The following AFF3 variants were observed in gnomAD, a reference collection of about 807,000 sequenced individuals.
AFF3 encodes ALF transcription elongation factor 3.
A neutral mutation model predicts 129.7 loss-of-function variants in AFF3; 32 were observed. The ratio of observed to expected loss-of-function variants is 0.25; its 90% CI spans 0.19 to 0.33. The LOEUF (loss-of-function observed/expected upper bound fraction) is 0.33. AFF3 is among the 10% of genes least tolerant of loss of function. AFF3 has a pLI of 1.00. For synonymous variants in AFF3, 644 were observed against 635.4 expected (o/e 1.01, Z -0.20); for missense variants, 1,373 against 1,592.0 (o/e 0.86, Z 2.34).
At chr2:99,555,432 T>G (rs558132140) in intron 22 of AFF3, among the ~76,000 whole-genome samples, 1 of 152,286 alleles carries the variant, frequency 6.6e-6, no homozygotes, top group South Asian at 2.1e-4. Flanking sequence ...TGCTGTTGCA[T>G]ATTCCTAATA....
At chr2:99,564,780 A>G (rs765350562) in intron 20 of AFF3, among the ~76,000 whole-genome samples, 5 of 152,236 alleles carry the variant, frequency 3.3e-5, no homozygotes, top group Admixed American at 1.3e-4. Context: ...AGTTAGTTTT[A>G]GGAAGAATTA....
intron 7 of AFF3, among the ~76,000 whole-genome samples, chr2:99,984,679 G>A (rs1465120938): frequency 6.6e-6 from 1 of 151,928 alleles, no homozygotes; most frequent in African/African-American, 2.4e-5. Context: ...GTCCAAGTCT[G>A]CCCACCCCAC....
At position 99,554,389 on chromosome 2, in the gene AFF3, G is replaced by A; in HGVS notation, c.3481C>T (p.His1161Tyr). 2 of 1,614,210 alleles carry A rather than the reference G, an allele frequency of 1.2e-6. No homozygotes were observed. Among genetic ancestry groups the A allele is most frequent in the South Asian group, 2.2e-5 (2 of 91,076 alleles). The change falls in exon 24 of 25, where the codon CAC becomes TAC. Residue 1161 changes from histidine (H) to tyrosine (Y), a missense_variant. By Grantham distance (83) the His-to-Tyr change is moderately conservative. Transcript: ENST00000672756. ...AGGATGCTGTTGGTGATGCTGACGTGGTTGGCCGCCATCTGGTGGATGCGC... is the reference window on the plus strand; with the variant it reads ...AGGATGCTGTTGGTGATGCTGACGTAGTTGGCCGCCATCTGGTGGATGCGC... ...PQRIHQMAANHVSITNSILHS... is the reference protein window; with the variant it reads ...PQRIHQMAANYVSITNSILHS...
At chr2:99,845,372 G>A (rs1408041123) in intron 7 of AFF3, among the ~76,000 whole-genome samples, 1 of 152,126 alleles carries the variant, frequency 6.6e-6, no homozygotes, top group Admixed American at 6.5e-5. Context: ...AGCATATTTG[G>A]TTTTCAGAAA....
At chr2:100,129,012 A>T (rs1334718796) in intron 2 of AFF3, among the ~76,000 whole-genome samples, 1 of 152,168 alleles carries the variant, frequency 6.6e-6, no homozygotes, top group Non-Finnish European at 1.5e-5. Context: ...TCTGGACACA[A>T]CACAGGCCCA....
chr2:100,071,436 T>A (rs1471215863), intron 4 of AFF3, among the ~76,000 whole-genome samples: 2 of 152,144 alleles, frequency 1.3e-5, no homozygotes, highest in Non-Finnish European at 1.5e-5. Flanking sequence ...CATCTGTGAG[T>A]AAGATGACTC....
At chr2:100,123,714 A>G (rs569050395) in intron 2 of AFF3, among the ~76,000 whole-genome samples, 1 of 152,304 alleles carries the variant, frequency 6.6e-6, no homozygotes, top group Admixed American at 6.5e-5. Context: ...CCTAGCAGAC[A>G]TGCCCCACCC....
intron 11 of AFF3, among the ~76,000 whole-genome samples, chr2:99,687,506 C>A (rs1162444903): frequency 6.6e-6 from 1 of 152,146 alleles, no homozygotes; most frequent in Non-Finnish European, 1.5e-5. Context: ...AGCGAGGACA[C>A]TCTTCAAGCC....
intron 11 of AFF3, among the ~76,000 whole-genome samples, chr2:99,677,822 T>A (rs764957095): frequency 4.6e-5 from 7 of 152,086 alleles, no homozygotes; most frequent in Non-Finnish European, 1.0e-4. Flanking sequence ...CCAATTGTTG[T>A]TTTGTTTTGT....
At chr2:99,648,917 A>ACACACACTCTCTCTCTCT in intron 13 of AFF3, among the ~76,000 whole-genome samples, 15 of 46,938 alleles carry the variant, frequency 3.2e-4, no homozygotes, top group East Asian at 2.3e-3. Flanking sequence ...ACACACACAC[A>ACACACACTCTCTCTCTCT]CTCTCTCTCT....
intron 11 of AFF3, among the ~76,000 whole-genome samples, chr2:99,693,910 C>T (rs562584074): frequency 6.6e-6 from 1 of 151,994 alleles, no homozygotes; most frequent in South Asian, 2.1e-4. Flanking sequence ...CCACATTTCT[C>T]ATTCCTTAAT....
intron 12 of AFF3, among the ~76,000 whole-genome samples, chr2:99,665,123 C>T (rs560208728): frequency 6.6e-6 from 1 of 152,290 alleles, no homozygotes; most frequent in African/African-American, 2.4e-5. Context: ...GAAGATGAGA[C>T]GTGGACAAAG....
chr2:99,707,952 T>A (rs187946263), intron 11 of AFF3, among the ~76,000 whole-genome samples: 2 of 152,162 alleles, frequency 1.3e-5, no homozygotes, highest in East Asian at 3.9e-4. Context: ...TAAAGTCCGG[T>A]TGGTGGACTG....
intron 8 of AFF3, among the ~76,000 whole-genome samples, chr2:99,754,638 T>A (rs1300732734): frequency 1.3e-5 from 2 of 152,292 alleles, no homozygotes; most frequent in South Asian, 2.1e-4. Flanking sequence ...AAAAGAACAC[T>A]TCCTAGACCA....
At chr2:100,060,804 C>T (rs1179663688) in intron 4 of AFF3, among the ~76,000 whole-genome samples, 2 of 152,108 alleles carry the variant, frequency 1.3e-5, no homozygotes, top group Non-Finnish European at 2.9e-5. Context: ...TGACTACACG[C>T]TACACTTTCT....
At chr2:99,754,704 C>G (rs1487161944) in intron 8 of AFF3, among the ~76,000 whole-genome samples, 1 of 152,198 alleles carries the variant, frequency 6.6e-6, no homozygotes, top group Non-Finnish European at 1.5e-5. Context: ...CACCGTTTAT[C>G]CAAGAGTGGA....
At position 100,011,407 on chromosome 2, in the gene AFF3, C is replaced by T. The variant is rs138923897; in HGVS notation, c.54-2475G>A. 2.4e-3 allele frequency: 1,861 copies of T among 773,416 alleles called. 20 individuals carry two copies. Among genetic ancestry groups the T allele is most frequent in the African/African-American group, 0.022 (1,331 of 59,168 alleles). 47.9% of individuals were successfully genotyped at this position (773,416 alleles called of 1,614,324 possible). A position where few individuals can be genotyped will look rare whatever the true frequency, so the allele number is the denominator to read the frequency against. On this transcript the variant is annotated intron_variant, in intron 4 of 24. Coordinates refer to ENST00000672756, the MANE Select transcript of AFF3 (RefSeq NM_001386135.1). ...AGACACACAAGACTGGTGTGATGCA[C>T]GAAGTGGCCTCATGTAAGATGGAGC...
chr2:100,104,778 G>A, intron 3 of AFF3: 1 of 899,298 alleles, frequency 1.1e-6, no homozygotes, highest in Non-Finnish European at 1.3e-6. Flanking sequence ...CTCCCTCGCG[G>A]CGGCCCGGCC....
At chr2:99,635,902 C>T (rs62154526) in intron 13 of AFF3, among the ~76,000 whole-genome samples, 5,409 of 152,240 alleles carry the variant, frequency 0.036, 119 homozygotes, top group Non-Finnish European at 0.044. Flanking sequence ...TGAGAGACTA[C>T]GAGGTCACAT....
Sources: allele counts gnomAD v4.1 joint callset (sites outside exome capture counted in the v4.1 genomes callset), GRCh38; gene constraint gnomAD v4.1.1; transcripts MANE v1.5; gene names NCBI Gene and HGNC (gene_info 2026-07-23, HGNC 2026-07-21).